The following SPTBN1 variants were observed in gnomAD, a reference collection of about 807,000 sequenced individuals.
SPTBN1 encodes the protein spectrin beta, non-erythrocytic 1, also known as spectrin beta chain, non-erythrocytic 1.
SPTBN1 carries 32 observed loss-of-function variants against 266.4 expected under a neutral mutation model. The ratio of observed to expected loss-of-function variants is 0.12; its 90% CI spans 0.09 to 0.16. SPTBN1 has a LOEUF of 0.16. Among genes scored for constraint, SPTBN1 ranks in the 10% least tolerant of loss-of-function variants. The probability of loss-of-function intolerance (pLI) is 1.00; values close to 1 mark genes in which losing one functional copy is unlikely to be tolerated. For synonymous variants in SPTBN1, 1,336 were observed against 1,162.2 expected, an observed-to-expected ratio of 1.15 and a Z score of -3.04; for missense variants, 2,296 against 3,067.1, an observed-to-expected ratio of 0.75 and a Z score of 5.94.
At chr2:54,546,512 A>G (rs1171850014) in intron 2 of SPTBN1, 2 of 152,142 alleles carry the variant, frequency 1.3e-5, no homozygotes, top group Admixed American at 6.5e-5. Flanking sequence ...TAAACTACCA[A>G]TTTATTTCCC....
At chr2:54,617,944 C>G in intron 6 of SPTBN1, 134 bp from the exon 7 acceptor site, 2 of 732,388 alleles carry the variant, frequency 2.7e-6, no homozygotes, top group Middle Eastern at 3.7e-4. Context: ...TTTGATGATT[C>G]CATGATAGTA....
At chr2:54,604,082 C>G (rs1411664553) in intron 3 of SPTBN1, among the ~76,000 whole-genome samples, 1 of 152,208 alleles carries the variant, frequency 6.6e-6, no homozygotes, top group Non-Finnish European at 1.5e-5. Context: ...AGCAAGGCCA[C>G]CCAGCTGGGT....
At chr2:54,640,817 G>T (rs1679482696) in intron 18 of SPTBN1, among the ~76,000 whole-genome samples, 1 of 152,256 alleles carries the variant, frequency 6.6e-6, no homozygotes, top group African/African-American at 2.4e-5. Flanking sequence ...CTCCCAAAGT[G>T]CTGGGATTAC....
At chr2:54,508,754 TTTTAGCTATCTTATCA>T (rs888993278) in intron 1 of SPTBN1, among the ~76,000 whole-genome samples, 5 of 152,144 alleles carry the variant, frequency 3.3e-5, no homozygotes, top group African/African-American at 7.2e-5. Flanking sequence ...CTAGCTGCTT[TTTTAGCTATCTTATCA>T]GCATAGGCGT....
In SPTBN1 at chr2:54,643,129, G is replaced by A. The variant is rs1679688128; in HGVS notation, c.4005G>A (p.Lys1335=). The change falls in exon 19 of 36, where the codon AAG becomes AAA. Residue 1335 remains lysine (K), a splice_region_variant and synonymous_variant. Coordinates refer to ENST00000356805, the MANE Select transcript of SPTBN1 (RefSeq NM_003128.3). ...AAGAATGGCTTGACAAAATCGAGAA[G>A]GTGAGTTAAAACATTTGATGTGGCC... ...SNKEWLDKIE[K]EGMQLISEKP... 2 of 1,613,886 alleles carry A rather than the reference G, an allele frequency of 1.2e-6. No individual in the cohort carries two copies. The highest frequency in any genetic ancestry group is 1.7e-6 in the Non-Finnish European group (2 of 1,179,944).
intron 1 of SPTBN1, among the ~76,000 whole-genome samples, chr2:54,466,731 A>T (rs184215863): frequency 6.6e-6 from 1 of 152,230 alleles, no homozygotes; most frequent in East Asian, 1.9e-4. Flanking sequence ...GGAAATAACA[A>T]ATTCTTGTTC....
At chr2:54,524,055 T>C (rs1670650108) in intron 1 of SPTBN1, among the ~76,000 whole-genome samples, 1 of 151,882 alleles carries the variant, frequency 6.6e-6, no homozygotes, top group Non-Finnish European at 1.5e-5. Context: ...AGAAATTAGC[T>C]GGGCATGGTG....
chr2:54,649,048 C>A lies in SPTBN1; in HGVS notation c.5060C>A (p.Ala1687Asp). ...DKLYAGLKDLAEERRGKLDER... is the reference protein window; with the variant it reads ...DKLYAGLKDLDEERRGKLDER... ...CTGTACGCTGGTCTGAAAGACCTTGCTGAAGAGAGAAGAGGCAAGCTGGAT... is the reference window on the plus strand; with the variant it reads ...CTGTACGCTGGTCTGAAAGACCTTGATGAAGAGAGAAGAGGCAAGCTGGAT... Residue 1687 changes from alanine to aspartate, a missense_variant, in exon 25 of 36, where the codon GCT (alanine) becomes GAT (aspartate). Transcript: ENST00000356805. The surrounding 1 kb of genome is among the most constrained non-coding windows in gnomAD (Gnocchi z 6.7). 2 of 1,614,174 alleles carry A rather than the reference C, an allele frequency of 1.2e-6. No individual in the cohort carries two copies. Among genetic ancestry groups the A allele is most frequent in the South Asian group, 2.2e-5 (2 of 91,072 alleles).
intron 1 of SPTBN1, among the ~76,000 whole-genome samples, chr2:54,489,549 A>G (rs1050297975): frequency 1.3e-5 from 2 of 152,094 alleles, no homozygotes; most frequent in African/African-American, 4.8e-5. Context: ...AAAATACAAA[A>G]ATTAGCCAGG....
At position 54,669,736 on chromosome 2, in the gene SPTBN1, A is replaced by G. The variant is rs1681617889; in HGVS notation, c.*1167A>G. 6 of 152,656 alleles carry G rather than the reference A, an allele frequency of 3.9e-5. No homozygotes were observed. The South Asian group carries it at 1.2e-3, about 32-fold the overall frequency. 9.5% of individuals were successfully genotyped at this position (152,656 alleles called of 1,614,324 possible). A position where few individuals can be genotyped will look rare whatever the true frequency, so the allele number is the denominator to read the frequency against. On this transcript the variant is annotated 3_prime_UTR_variant, in exon 36 of 36. Transcript: ENST00000356805. ...TGTGCATGCCCAGTAGGGAAACTGCAAAGGGAGAAATGACAAACAAGAAAC... is the reference window on the plus strand; with the variant it reads ...TGTGCATGCCCAGTAGGGAAACTGCGAAGGGAGAAATGACAAACAAGAAAC...
In SPTBN1 at chr2:54,664,261, G is replaced by A. The variant is rs924986038; in HGVS notation, c.6421-192G>A. On this transcript the variant is annotated intron_variant, in intron 32 of 35. Coordinates refer to ENST00000356805, the MANE Select transcript of SPTBN1 (RefSeq NM_003128.3). The surrounding 1 kb of genome is among the most constrained non-coding windows in gnomAD (Gnocchi z 5.6). ...TTTTCTCATTTCCCTGTAAATGGGC[G>A]GGTATTAATCCATTCCCACCTTCTA... 2.9e-5 allele frequency: 17 copies of A among 593,342 alleles called. No individual in the cohort carries two copies. The highest frequency in any genetic ancestry group is 2.6e-4 in the Admixed American group (10 of 38,444). The allele number at this position is 593,342 out of a possible 1,614,324, so 36.8% of individuals were successfully genotyped here.
intron 2 of SPTBN1, among the ~76,000 whole-genome samples, chr2:54,573,521 A>G (rs1008192931): frequency 2.0e-5 from 3 of 152,162 alleles, no homozygotes; most frequent in African/African-American, 4.8e-5. Flanking sequence ...GCCAGGACCA[A>G]TACCGGTCTG....
At chr2:54,656,576 T>C (rs1487319449) in intron 29 of SPTBN1, among the ~76,000 whole-genome samples, 1 of 152,226 alleles carries the variant, frequency 6.6e-6, no homozygotes, top group African/African-American at 2.4e-5. Context: ...CATTTCATAA[T>C]TGGTATGAGC....
At chr2:54,663,337 G>A (rs1336403067) in intron 32 of SPTBN1, 1 of 152,206 alleles carries the variant, frequency 6.6e-6, no homozygotes, top group African/African-American at 2.4e-5. Flanking sequence ...TACGAGGGGT[G>A]CAGGTTGTCT....
chr2:54,552,166 C>T (rs1331169018), intron 2 of SPTBN1, among the ~76,000 whole-genome samples: 1 of 152,196 alleles, frequency 6.6e-6, no homozygotes, highest in Admixed American at 6.5e-5. Context: ...TGAAACGCAA[C>T]ATCGTGCAGC....
At chr2:54,580,751 GAC>G (rs920881844) in intron 2 of SPTBN1, among the ~76,000 whole-genome samples, 9 of 152,014 alleles carry the variant, frequency 5.9e-5, no homozygotes, top group African/African-American at 2.2e-4. Context: ...CAATATGAGA[GAC>G]ACACATAACC....
At chr2:54,578,714 G>T (rs1003572065) in intron 2 of SPTBN1, among the ~76,000 whole-genome samples, 1 of 151,782 alleles carries the variant, frequency 6.6e-6, no homozygotes, top group African/African-American at 2.4e-5. Context: ...TTCCAGAAAT[G>T]ATTTAATTTG....
Position 54,595,448 on chromosome 2 carries a change from G to A in SPTBN1, c.149-3644G>A, listed in dbSNP as rs1249871709. On this transcript the variant is annotated intron_variant, in intron 2 of 35. Transcript: ENST00000356805. ...AAGGTTTAGCTGCGTCAGCTTCTTG[G>A]GGAGGACTTGATAACAGCGATACAA... Among the ~76,000 whole-genome samples, 4 of 152,322 alleles carry A rather than the reference G, an allele frequency of 2.6e-5. No homozygotes were observed. In the East Asian group the frequency reaches 7.7e-4, roughly 29 times the overall value.
At position 54,647,166 on chromosome 2, in the gene SPTBN1, C is replaced by T. The variant is rs759193593; in HGVS notation, c.4902C>T (p.His1634=). ...EQSAVSMLKK[H]QILEQAVEDY... ...GTGCTGTCTCCATGTTGAAGAAGCA[C>T]CAGATCTTAGAACAAGCTGTGGAGG... is the stretch of plus-strand genomic sequence containing the variant. Residue 1634 remains histidine, a synonymous_variant, in exon 24 of 36, where the codon CAC becomes CAT. Coordinates refer to ENST00000356805, the MANE Select transcript of SPTBN1 (RefSeq NM_003128.3). 32 of 1,614,168 alleles carry T rather than the reference C, an allele frequency of 2.0e-5. No homozygotes were observed. Among genetic ancestry groups the T allele is most frequent in the Non-Finnish European group, 2.5e-5 (29 of 1,180,028 alleles).
Sources: gnomAD v4.1 joint callset for allele counts (sites outside exome capture counted in the v4.1 genomes callset) on GRCh38, gnomAD v4.1.1 for gene constraint, Gnocchi (gnomAD v3.1) non-coding constraint, MANE v1.5 for transcripts, NCBI Gene and HGNC (gene_info 2026-07-23, HGNC 2026-07-21) for gene names.